EP400: variants seen among roughly 807,000 people sequenced by gnomAD.
EP400 encodes E1A-binding protein p400.
Under a neutral mutation model 354.1 loss-of-function variants are expected in EP400, and 105 were observed. The ratio of observed to expected loss-of-function variants is 0.30; its 90% CI spans 0.25 to 0.35. The LOEUF (loss-of-function observed/expected upper bound fraction) is 0.35, where lower values mean the gene tolerates loss of function less well. Among genes scored for constraint, EP400 ranks in the 10% least tolerant of loss-of-function variants. EP400 has a pLI of 1.00. For synonymous variants in EP400, 1,646 were observed against 1,716.9 expected (o/e 0.96, Z 1.02); for missense variants, 3,280 against 4,121.0 (o/e 0.80, Z 5.59).
chr12:132,050,750 T>G lies in EP400; in HGVS notation c.7394+95T>G. 68 of 1,427,536 alleles carry G rather than the reference T, an allele frequency of 4.8e-5. No individual in the cohort carries two copies. The highest frequency in any genetic ancestry group is 5.9e-5 in the Non-Finnish European group (60 of 1,016,958). The allele number at this position is 1,427,536 out of a possible 1,614,324, so 88.4% of individuals were successfully genotyped here. The stretch of plus-strand genomic sequence containing the variant: ...TGAGTTCAGCAAATCGTTGTGCACT[T>G]AGCGTGTTCAGGCATCAGCTGGACG... On this transcript the variant is annotated intron_variant, in intron 41 of 52. Transcript: ENST00000389561. This position sits in a 1 kb window ranked among gnomAD's most constrained non-coding sequence, Gnocchi z 4.8.
Position 132,013,134 on chromosome 12 carries a change from G to A in EP400, c.3567G>A (p.Lys1189=), listed in dbSNP as rs755038789. ...TCATTGATGAGATGCAGCGCGTGAA[G>A]GGCATGACCGAGAGGCACTGGGAAG... ...CLVIDEMQRV[K]GMTERHWEAV... is the part of the protein sequence containing the mutation. Residue 1189 remains lysine (K), a synonymous_variant, in exon 17 of 53, where the codon AAG becomes AAA. Coordinates refer to ENST00000389561, the MANE Select transcript of EP400 (RefSeq NM_015409.5). The surrounding 1 kb of genome is among the most constrained non-coding windows in gnomAD (Gnocchi z 4.5). 3.1e-6 allele frequency: 5 copies of A among 1,614,148 alleles called. No homozygotes were observed. In the South Asian group the frequency reaches 4.4e-5, roughly 14 times the overall value.
intron 30 of EP400, among the ~76,000 whole-genome samples, chr12:132,032,452 C>T (rs899260525): frequency 2.0e-5 from 3 of 152,196 alleles, no homozygotes; most frequent in Non-Finnish European, 4.4e-5. Flanking sequence ...TCACACAAGT[C>T]ATCTTGCCAT....
At chr12:131,982,512 G>C in intron 5 of EP400, 34 bp downstream of exon 5, 1 of 1,558,148 alleles carries the variant, frequency 6.4e-7, no homozygotes, top group South Asian at 1.2e-5. Flanking sequence ...AAAGAAAATG[G>C]TTTGCAGGAT....
Position 132,055,455 on chromosome 12 carries a change from G to GGT in EP400, c.7884+265_7884+266dup, listed in dbSNP as rs138515650. On this transcript the variant is annotated intron_variant, in intron 45 of 52. Coordinates refer to ENST00000389561, the MANE Select transcript of EP400 (RefSeq NM_015409.5). ...TATGTGTGTGTGTGTGTGGTGTAGGGGTGTGTGTGTGTGTGTGTGAGGTGT... is the reference window on the plus strand; with the variant it reads ...TATGTGTGTGTGTGTGTGGTGTAGGGGTGTGTGTGTGTGTGTGTGTGAGGTGT... Among the ~76,000 whole-genome samples, 798 of 140,736 alleles carry GGT rather than the reference G, an allele frequency of 5.7e-3. 5 individuals carry two copies. The highest frequency in any genetic ancestry group is 7.9e-3 in the African/African-American group (290 of 36,604). The allele number at this position is 140,736 out of a possible 152,430, so 92.3% of individuals were successfully genotyped here. A position where few individuals can be genotyped will look rare whatever the true frequency, so the allele number is the denominator to read the frequency against.
intron 5 of EP400, among the ~76,000 whole-genome samples, chr12:131,985,105 C>T (rs968573107): frequency 6.6e-6 from 1 of 152,180 alleles, no homozygotes; most frequent in Non-Finnish European, 1.5e-5. Context: ...ATCCACCCAC[C>T]TTGGGCTCCC....
intron 30 of EP400, among the ~76,000 whole-genome samples, chr12:132,034,072 CT>C (rs969159965): frequency 1.2e-4 from 18 of 151,822 alleles, no homozygotes; most frequent in African/African-American, 3.4e-4. Flanking sequence ...CTTTTGTAAA[CT>C]TTTTTTTTCT....
chr12:131,952,320 A>AG (rs1414263534), intron 1 of EP400, among the ~76,000 whole-genome samples: 1 of 148,722 alleles, frequency 6.7e-6, no homozygotes, highest in Admixed American at 6.7e-5. Flanking sequence ...AAAAAAAAAA[A>AG]AAAAAGAAAA....
chr12:132,029,959 G>C lies in EP400; in HGVS notation c.5585-30G>C. ...GGGAGCTGCACCGGCCCTGGATGATGAGGCGCTCTTGATGTGATTCGTTTC... is the reference window on the plus strand; with the variant it reads ...GGGAGCTGCACCGGCCCTGGATGATCAGGCGCTCTTGATGTGATTCGTTTC... On this transcript the variant is annotated intron_variant, in intron 28 of 52. Coordinates refer to ENST00000389561, the MANE Select transcript of EP400 (RefSeq NM_015409.5). This position sits in a 1 kb window ranked among gnomAD's most constrained non-coding sequence, Gnocchi z 4.7. The C allele has an allele frequency of 6.2e-7, 1 of 1,612,954 alleles. No homozygotes were observed. Among genetic ancestry groups the C allele is most frequent in the Non-Finnish European group, 8.5e-7 (1 of 1,179,788 alleles).
At position 131,994,292 on chromosome 12, in the gene EP400, G is replaced by A. The variant is rs898612778; in HGVS notation, c.2738-575G>A. On this transcript the variant is annotated intron_variant, in intron 11 of 52. Transcript: ENST00000389561. The surrounding 1 kb of genome is among the most constrained non-coding windows in gnomAD (Gnocchi z 4.6). The stretch of plus-strand genomic sequence containing the variant: ...CCAGCTGAGAGGAGAGATGGTGCAG[G>A]CCCCCTGCAGGCCCCCAGGTGGGGA... 6.6e-6 allele frequency among the ~76,000 whole-genome samples: 1 copy of A among 151,982 alleles called. No homozygotes were observed. Among genetic ancestry groups the A allele is most frequent in the Admixed American group, 6.6e-5 (1 of 15,262 alleles).
At chr12:131,984,061 C>T (rs979131920) in intron 5 of EP400, among the ~76,000 whole-genome samples, 18 of 151,994 alleles carry the variant, frequency 1.2e-4, no homozygotes, top group Non-Finnish European at 1.0e-4. Flanking sequence ...GCCACCATGC[C>T]GGCTAATTTT....
At chr12:131,996,995 A>G (rs1458200985) in intron 12 of EP400, among the ~76,000 whole-genome samples, 1 of 152,192 alleles carries the variant, frequency 6.6e-6, no homozygotes, top group Admixed American at 6.5e-5. Flanking sequence ...TAATGTTGTC[A>G]ATAAGTTCCT....
intron 15 of EP400, among the ~76,000 whole-genome samples, chr12:132,008,241 C>T (rs1306682380): frequency 2.0e-5 from 3 of 152,320 alleles, no homozygotes; most frequent in Non-Finnish European, 2.9e-5. Context: ...AGCCACCGCA[C>T]CCGGCCTGAG....
intron 30 of EP400, 74 bp from the exon 31 acceptor site, chr12:132,037,608 C>T (rs1565924681): frequency 8.4e-7 from 1 of 1,186,820 alleles, no homozygotes; most frequent in African/African-American, 1.5e-5. Context: ...TGATCACCAT[C>T]TGCATGCTGT....
At chr12:132,051,889 G>A (rs1035994928) in intron 41 of EP400, among the ~76,000 whole-genome samples, 1 of 152,118 alleles carries the variant, frequency 6.6e-6, no homozygotes, top group African/African-American at 2.4e-5. Context: ...GCTAGACCAC[G>A]GTCCGCTTGG....
chr12:131,960,796 G>A lies in EP400; in HGVS notation c.177G>A (p.Gln59=). The A allele has an allele frequency of 6.3e-7, 1 of 1,595,780 alleles. No individual in the cohort carries two copies. Among genetic ancestry groups the A allele is most frequent in the Non-Finnish European group, 8.5e-7 (1 of 1,170,720 alleles). The part of the protein sequence containing the change: ...SAPQSPSYQI[Q]QLMNRSPATG... ...CCCAGTCTCCCAGTTATCAAATACA[G>A]CAGCTGATGAATAGGAGCCCTGCAA... The change falls in exon 2 of 53, where the codon CAG becomes CAA. Residue 59 remains glutamine, a synonymous_variant. Coordinates refer to ENST00000389561, the MANE Select transcript of EP400 (RefSeq NM_015409.5).
At position 131,982,273 on chromosome 12, in the gene EP400, T is replaced by A. The variant is rs1384676872; in HGVS notation, c.1724T>A (p.Leu575Gln). 1 of 1,614,172 alleles carries A rather than the reference T, an allele frequency of 6.2e-7. No individual in the cohort carries two copies. Reference protein sequence around the residue: ...GVPTAALSSALQFAQQPQVVE... With the variant: ...GVPTAALSSAQQFAQQPQVVE... ...CCCACTGCAGCCCTCTCCTCTGCGC[T>A]GCAGTTTGCACAGCAGCCGCAAGTG... The change falls in exon 5 of 53, where the codon CTG becomes CAG. Residue 575 changes from leucine to glutamine, a missense_variant. By Grantham distance (113) the Leu-to-Gln change is moderately radical. Around this residue, in one of 20 missense-constraint regions of EP400, gnomAD observed 800 missense variants for 840.0 expected, o/e 0.95. Coordinates refer to ENST00000389561, the MANE Select transcript of EP400 (RefSeq NM_015409.5).
At chr12:131,966,178 C>A (rs1175677980) in intron 2 of EP400, among the ~76,000 whole-genome samples, 1 of 151,778 alleles carries the variant, frequency 6.6e-6, no homozygotes, top group Non-Finnish European at 1.5e-5. Flanking sequence ...TTGCTTGAGG[C>A]CAGAAATTTA....
intron 45 of EP400, among the ~76,000 whole-genome samples, chr12:132,056,435 A>G (rs1336792229): frequency 6.6e-6 from 1 of 152,032 alleles, no homozygotes; most frequent in East Asian, 1.9e-4. Context: ...GCACACACAC[A>G]CACACACACA....
At chr12:132,015,813 T>C (rs1893909152) in intron 19 of EP400, among the ~76,000 whole-genome samples, 1 of 152,054 alleles carries the variant, frequency 6.6e-6, no homozygotes, top group African/African-American at 2.4e-5. Context: ...GGTAATCAAG[T>C]GTTTGGGCGC....
Sources: gnomAD v4.1 joint callset for allele counts (sites outside exome capture counted in the v4.1 genomes callset) on GRCh38, gnomAD v4.1.1 for gene constraint, gnomAD v4.1.1 regional missense constraint, Gnocchi (gnomAD v3.1) non-coding constraint, MANE v1.5 for transcripts, NCBI Gene and HGNC (gene_info 2026-07-23, HGNC 2026-07-21) for gene names.